SEMA3C: variants seen among roughly 807,000 people sequenced by gnomAD.
SEMA3C encodes the protein semaphorin-3C.
A neutral mutation model predicts 89.4 loss-of-function variants in SEMA3C; 47 were observed. The observed-to-expected ratio is 0.53, with a 90% CI of 0.42 to 0.67. The LOEUF is 0.67. Among genes scored for constraint, SEMA3C ranks in the 30% least tolerant of loss-of-function variants. The pLI is 0.00. For synonymous variants in SEMA3C, 310 were observed against 320.2 expected, an observed-to-expected ratio of 0.97 and a Z score of 0.34; for missense variants, 839 against 929.1, an observed-to-expected ratio of 0.90 and a Z score of 1.26.
At chr7:80,768,471 G>A (rs976662908) in intron 12 of SEMA3C, among the ~76,000 whole-genome samples, 2 of 150,844 alleles carry the variant, frequency 1.3e-5, no homozygotes, top group African/African-American at 2.4e-5. Context: ...CCAAGATCGC[G>A]CCACTGCACT....
In SEMA3C at chr7:80,786,501, G is replaced by A. The variant is rs566479156; in HGVS notation, c.1354+2805C>T. Among the ~76,000 whole-genome samples, 202 of 152,030 alleles carry A rather than the reference G, an allele frequency of 1.3e-3. 1 individual carries two copies. The highest frequency in any genetic ancestry group is 4.2e-3 in the African/African-American group (175 of 41,482). On this transcript the variant is annotated intron_variant, in intron 12 of 17. Transcript: ENST00000265361. Reference sequence around the variant, plus strand: ...AACAGTCATCTTTTCTGGGTAATATGAGACACTGTGGAGAGGTAATATTCC... The same window carrying A: ...AACAGTCATCTTTTCTGGGTAATATAAGACACTGTGGAGAGGTAATATTCC...
chr7:80,813,376 TG>T (rs1367861497), intron 5 of SEMA3C, among the ~76,000 whole-genome samples: 2 of 152,222 alleles, frequency 1.3e-5, no homozygotes, highest in Non-Finnish European at 2.9e-5. Flanking sequence ...TTATCACAAC[TG>T]GTTCTGTCAT....
At chr7:80,747,838 A>G (rs531333496) in intron 17 of SEMA3C, among the ~76,000 whole-genome samples, 43 of 152,252 alleles carry the variant, frequency 2.8e-4, no homozygotes, top group African/African-American at 9.4e-4. Flanking sequence ...GCAAGTAGTC[A>G]TCTGCTTATG....
intron 9 of SEMA3C, 130 bp downstream of exon 9, chr7:80,802,535 A>T: frequency 1.7e-6 from 1 of 577,680 alleles, no homozygotes; most frequent in Non-Finnish European, 3.0e-6. Context: ...GTATCTAGAT[A>T]ATTATTTTAA....
chr7:80,911,578 A>G (rs1792149664), intron 2 of SEMA3C, among the ~76,000 whole-genome samples: 1 of 151,948 alleles, frequency 6.6e-6, no homozygotes, highest in Non-Finnish European at 1.5e-5. Flanking sequence ...AATTTAGTAA[A>G]CATGTTTAGG....
rs115509817 is a variant in SEMA3C at position 80,831,945 on chromosome 7, A to G, written c.104-3200T>C. 6.2e-3 allele frequency among the ~76,000 whole-genome samples: 940 copies of G among 152,292 alleles called. 9 individuals are homozygous for G. The highest frequency in any genetic ancestry group is 0.021 in the African/African-American group (876 of 41,560). ...AAGTACTTAGGTATGGACAGATTAA[A>G]TTACATTCAAATCAAAGCAGAAATG... On this transcript the variant is annotated intron_variant, in intron 2 of 17. Coordinates refer to ENST00000265361, the MANE Select transcript of SEMA3C (RefSeq NM_006379.5).
At chr7:80,858,120 A>T (rs1449438707) in intron 2 of SEMA3C, among the ~76,000 whole-genome samples, 1 of 152,166 alleles carries the variant, frequency 6.6e-6, no homozygotes, top group Non-Finnish European at 1.5e-5. Flanking sequence ...ACATATTGAA[A>T]ATAAATATTA....
intron 8 of SEMA3C, among the ~76,000 whole-genome samples, chr7:80,803,514 TAAGTC>T (rs1207206184): frequency 7.9e-5 from 12 of 152,296 alleles, no homozygotes; most frequent in Admixed American, 2.0e-4. Context: ...TAATCATAAA[TAAGTC>T]AGGATAAGTC....
chr7:80,840,225 T>C (rs1004818772), intron 2 of SEMA3C, among the ~76,000 whole-genome samples: 9 of 151,924 alleles, frequency 5.9e-5, no homozygotes, highest in African/African-American at 9.7e-5. Flanking sequence ...ATTCATTCAA[T>C]AGATGGTAAA....
chr7:80,757,243 C>T (rs982585416), intron 15 of SEMA3C, among the ~76,000 whole-genome samples: 2 of 152,198 alleles, frequency 1.3e-5, no homozygotes, highest in Non-Finnish European at 2.9e-5. Context: ...CCTCTGCTAA[C>T]CCTAATTTTC....
chr7:80,807,080 T>C (rs983712896), intron 6 of SEMA3C, among the ~76,000 whole-genome samples: 1 of 152,150 alleles, frequency 6.6e-6, no homozygotes, highest in African/African-American at 2.4e-5. Flanking sequence ...GCTTTTTTTT[T>C]TCTTTACCAT....
intron 2 of SEMA3C, among the ~76,000 whole-genome samples, chr7:80,875,397 A>G (rs1204909992): frequency 2.0e-5 from 3 of 152,274 alleles, no homozygotes; most frequent in African/African-American, 7.2e-5. Context: ...CAGTGCACTC[A>G]GTATATATAT....
Position 80,765,242 on chromosome 7 carries a change from A to G in SEMA3C, c.1356T>C (p.Asp452=), listed in dbSNP as rs1788271759. ...GRYHVLFLGT[D]RGTVQKVVVL... is the part of the protein sequence containing the mutation. The stretch of plus-strand genomic sequence containing the variant: ...CAACCACTTTTTGCACAGTACCCCG[A>G]TCTAAATTAAAAAAAGAAGAAATGA... The change falls in exon 13 of 18, where the codon GAT becomes GAC. Residue 452 remains aspartate (D), a splice_region_variant and synonymous_variant. Coordinates refer to ENST00000265361, the MANE Select transcript of SEMA3C (RefSeq NM_006379.5). 3.1e-6 allele frequency: 5 copies of G among 1,608,054 alleles called. No individual in the cohort carries two copies. The highest frequency in any genetic ancestry group is 3.4e-6 in the Non-Finnish European group (4 of 1,175,926).
At chr7:80,910,427 G>C (rs1166234935) in intron 2 of SEMA3C, among the ~76,000 whole-genome samples, 3 of 152,256 alleles carry the variant, frequency 2.0e-5, no homozygotes, top group African/African-American at 7.2e-5. Flanking sequence ...TTCATGGCTA[G>C]TGCTACCCTA....
At chr7:80,764,484 C>G (rs1346487713) in intron 13 of SEMA3C, among the ~76,000 whole-genome samples, 1 of 152,200 alleles carries the variant, frequency 6.6e-6, no homozygotes, top group Non-Finnish European at 1.5e-5. Flanking sequence ...ATCCCCTCTC[C>G]TGGCTCACAG....
chr7:80,905,175 A>ATT (rs777783617), intron 2 of SEMA3C, among the ~76,000 whole-genome samples: 1,546 of 123,500 alleles, frequency 0.013, 59 homozygotes, highest in African/African-American at 0.044. Flanking sequence ...AATTATGGCC[A>ATT]TTTTTTTTTT....
intron 2 of SEMA3C, among the ~76,000 whole-genome samples, chr7:80,829,048 T>C (rs1042340456): frequency 6.6e-6 from 1 of 152,008 alleles, no homozygotes; most frequent in Non-Finnish European, 1.5e-5. Flanking sequence ...GTGTCTTTAG[T>C]CCCAGATACT....
At chr7:80,856,233 T>A (rs1236970921) in intron 2 of SEMA3C, among the ~76,000 whole-genome samples, 1 of 152,102 alleles carries the variant, frequency 6.6e-6, no homozygotes, top group Non-Finnish European at 1.5e-5. Flanking sequence ...ATTATCTGAA[T>A]TTTTTTAAAT....
chr7:80,862,052 T>C (rs1026244125), intron 2 of SEMA3C, among the ~76,000 whole-genome samples: 1 of 152,036 alleles, frequency 6.6e-6, no homozygotes, highest in Non-Finnish European at 1.5e-5. Flanking sequence ...ATGCACACTC[T>C]TACCACTCCT....
Sources: gnomAD v4.1 joint callset for allele counts (sites outside exome capture counted in the v4.1 genomes callset) on GRCh38, gnomAD v4.1.1 for gene constraint, MANE v1.5 for transcripts, NCBI Gene and HGNC (gene_info 2026-07-23, HGNC 2026-07-21) for gene names.